ZSWIM5: variants seen among roughly 807,000 people sequenced by gnomAD.
The protein encoded by ZSWIM5 is zinc finger SWIM-type containing 5.
ZSWIM5 carries 55 observed loss-of-function variants against 119.6 expected under a neutral mutation model. The observed-to-expected ratio is 0.46, with a 90% CI of 0.37 to 0.58. The LOEUF (loss-of-function observed/expected upper bound fraction) is 0.58. ZSWIM5 is among the 20% of genes least tolerant of loss of function. The probability of loss-of-function intolerance (pLI) is 0.00; values close to 1 mark genes in which losing one functional copy is unlikely to be tolerated. For synonymous variants in ZSWIM5, 537 were observed against 606.9 expected, an observed-to-expected ratio of 0.88 and a Z score of 1.69; for missense variants, 1,193 against 1,512.8, an observed-to-expected ratio of 0.79 and a Z score of 3.51.
At chr1:45,056,728 A>G (rs1442682496) in intron 4 of ZSWIM5, among the ~76,000 whole-genome samples, 2 of 152,206 alleles carry the variant, frequency 1.3e-5, no homozygotes, top group Non-Finnish European at 2.9e-5. Context: ...TTCTTGAGAA[A>G]AGGAGATAGA....
intron 1 of ZSWIM5, among the ~76,000 whole-genome samples, chr1:45,117,504 G>A (rs1645565528): frequency 6.6e-6 from 1 of 152,060 alleles, no homozygotes; most frequent in Non-Finnish European, 1.5e-5. Context: ...GTGAAACCCT[G>A]TCTACTAAAA....
At chr1:45,165,301 G>C (rs1645894069) in intron 1 of ZSWIM5, among the ~76,000 whole-genome samples, 1 of 151,990 alleles carries the variant, frequency 6.6e-6, no homozygotes, top group Non-Finnish European at 1.5e-5. Context: ...AGAATCTCTG[G>C]GACACATTTA....
chr1:45,087,868 GT>G lies in ZSWIM5; in HGVS notation c.952+12del, dbSNP rs1645340691. The G allele has an allele frequency of 6.4e-7, 1 of 1,568,694 alleles. No individual in the cohort carries two copies. Among genetic ancestry groups the G allele is most frequent in the Admixed American group, 1.9e-5 (1 of 53,960 alleles). ...AAAGACCTTTTTTTTCAATAAAAAA[GT>G]TGTACAATTACCATTCACTTGGTTG... is the stretch of plus-strand genomic sequence containing the variant. On this transcript the variant is annotated intron_variant, in intron 2 of 13. Coordinates refer to ENST00000359600, the MANE Select transcript of ZSWIM5 (RefSeq NM_020883.2).
At chr1:45,127,214 G>A (rs1226757) in intron 1 of ZSWIM5, among the ~76,000 whole-genome samples, 132,238 of 152,150 alleles carry the variant, frequency 0.87, 57,684 homozygotes, top group East Asian at 0.99. Context: ...ATAATATTTG[G>A]AAATCAACTA....
chr1:45,146,984 T>C (rs1161600316), intron 1 of ZSWIM5, among the ~76,000 whole-genome samples: 1 of 152,150 alleles, frequency 6.6e-6, no homozygotes, highest in Non-Finnish European at 1.5e-5. Context: ...TTATAAATGC[T>C]CTATGGTTTC....
At chr1:45,203,354 CTTTCT>C (rs1646169016) in intron 1 of ZSWIM5, among the ~76,000 whole-genome samples, 1 of 151,790 alleles carries the variant, frequency 6.6e-6, no homozygotes, top group African/African-American at 2.4e-5. Flanking sequence ...TTTGTTTGTG[CTTTCT>C]TTTTTCATTT....
intron 1 of ZSWIM5, among the ~76,000 whole-genome samples, chr1:45,175,611 C>T (rs774400082): frequency 3.3e-5 from 5 of 151,868 alleles, no homozygotes; most frequent in Admixed American, 6.6e-5. Flanking sequence ...CCACCATGCC[C>T]GGCTAATTTT....
Position 45,035,736 on chromosome 1 carries a change from A to C in ZSWIM5, c.2243T>G (p.Leu748Arg), listed in dbSNP as rs1466569202. 6.2e-7 allele frequency: 1 copy of C among 1,614,042 alleles called. No individual in the cohort carries two copies. Among genetic ancestry groups the C allele is most frequent in the Admixed American group, 1.7e-5 (1 of 60,012 alleles). Reference sequence around the variant, plus strand: ...ATAGGACAGGTCTGGATCATGAGGCAGCAGAGCTGAGAACAAATACTTGGC... The same window carrying C: ...ATAGGACAGGTCTGGATCATGAGGCCGCAGAGCTGAGAACAAATACTTGGC... ...TFAKYLFSAL[L>R]PHDPDLSYKL... The change falls in exon 10 of 14, where the codon CTG (leucine) becomes CGG (arginine). Residue 748 changes from leucine to arginine, a missense_variant. This residue lies in a region of ZSWIM5 where 961 missense variants were observed against 1,290.0 expected (regional missense o/e 0.74). Transcript: ENST00000359600.
intron 1 of ZSWIM5, among the ~76,000 whole-genome samples, chr1:45,195,263 C>T (rs570374433): frequency 6.6e-6 from 1 of 152,146 alleles, no homozygotes; most frequent in Non-Finnish European, 1.5e-5. Context: ...GAGACAGGGT[C>T]TTGCTCTGTT....
chr1:45,084,659 A>G (rs1198120862), intron 2 of ZSWIM5, among the ~76,000 whole-genome samples: 1 of 152,260 alleles, frequency 6.6e-6, no homozygotes, highest in Non-Finnish European at 1.5e-5. Flanking sequence ...ACAGGCCCCA[A>G]CCAAGTCCAA....
intron 1 of ZSWIM5, among the ~76,000 whole-genome samples, chr1:45,189,718 T>C (rs1236410498): frequency 6.6e-6 from 1 of 152,216 alleles, no homozygotes; most frequent in East Asian, 1.9e-4. Flanking sequence ...ATCTTGTCGC[T>C]GCATTCCAGC....
chr1:45,169,083 G>A (rs1355736412), intron 1 of ZSWIM5, among the ~76,000 whole-genome samples: 1 of 151,872 alleles, frequency 6.6e-6, no homozygotes. Context: ...CATCTCTTAC[G>A]CACTCTCTCA....
At chr1:45,033,867 CT>C (rs970847655) in intron 11 of ZSWIM5, among the ~76,000 whole-genome samples, 409 of 143,354 alleles carry the variant, frequency 2.9e-3, no homozygotes, top group Non-Finnish European at 4.2e-3. Context: ...GATCCAGGTG[CT>C]TTTTTTTTTT....
At chr1:45,046,047 G>A (rs1645052085) in intron 5 of ZSWIM5, among the ~76,000 whole-genome samples, 1 of 151,978 alleles carries the variant, frequency 6.6e-6, no homozygotes, top group Non-Finnish European at 1.5e-5. Flanking sequence ...TGGATGGAAT[G>A]AGCAAGCAGG....
Position 45,087,857 on chromosome 1 carries a change from T to C in ZSWIM5, c.952+24A>G, listed in dbSNP as rs753898817. ...GTGGTGATGAAAAAGACCTTTTTTT[T>C]CAATAAAAAAGTTGTACAATTACCA... On this transcript the variant is annotated intron_variant, in intron 2 of 13. Coordinates refer to ENST00000359600, the MANE Select transcript of ZSWIM5 (RefSeq NM_020883.2). 15 of 1,545,262 alleles carry C rather than the reference T, an allele frequency of 9.7e-6. No individual in the cohort carries two copies. In the African/African-American group the frequency reaches 1.5e-4, roughly 16 times the overall value.
intron 1 of ZSWIM5, among the ~76,000 whole-genome samples, chr1:45,094,087 T>C (rs1012322634): frequency 5.3e-5 from 8 of 150,108 alleles, no homozygotes; most frequent in Non-Finnish European, 1.0e-4. Context: ...GACGGAGTCT[T>C]ACCCTGTCGC....
intron 1 of ZSWIM5, among the ~76,000 whole-genome samples, chr1:45,202,718 G>T (rs1198685583): frequency 2.0e-5 from 3 of 152,020 alleles, no homozygotes; most frequent in Non-Finnish European, 4.4e-5. Flanking sequence ...GTGTTTAAGT[G>T]AGAAAAACTG....
chr1:45,194,876 C>CAA (rs373754738), intron 1 of ZSWIM5, among the ~76,000 whole-genome samples: 4 of 119,196 alleles, frequency 3.4e-5, no homozygotes, highest in Admixed American at 8.6e-5. Flanking sequence ...GACTCCGTCT[C>CAA]AAAAAAAAAA....
intron 1 of ZSWIM5, among the ~76,000 whole-genome samples, chr1:45,102,877 TG>T: frequency 6.6e-6 from 1 of 152,196 alleles, no homozygotes; most frequent in African/African-American, 2.4e-5. Context: ...ATTTATTTGG[TG>T]GGGGTACAGG....
Sources: allele counts gnomAD v4.1 joint callset (sites outside exome capture counted in the v4.1 genomes callset), GRCh38; gene constraint gnomAD v4.1.1; regional missense constraint gnomAD v4.1.1; transcripts MANE v1.5; gene names NCBI Gene and HGNC (gene_info 2026-07-23, HGNC 2026-07-21).